The following XYLT1 variants were observed in gnomAD, a reference collection of about 807,000 sequenced individuals.
XYLT1 encodes the protein beta-D-xylosyltransferase 1.
A neutral mutation model predicts 91.3 loss-of-function variants in XYLT1; 36 were observed. The ratio of observed to expected loss-of-function variants is 0.39; its 90% CI spans 0.30 to 0.52. The LOEUF (loss-of-function observed/expected upper bound fraction) is 0.52. XYLT1 is among the 20% of genes least tolerant of loss of function. The pLI is 0.68. For synonymous variants in XYLT1, 588 were observed against 532.0 expected (o/e 1.11, Z -1.45); for missense variants, 1,242 against 1,284.5 (o/e 0.97, Z 0.51).
At chr16:17,459,972 A>G (rs531160857) in intron 1 of XYLT1, among the ~76,000 whole-genome samples, 1 of 152,332 alleles carries the variant, frequency 6.6e-6, no homozygotes, top group South Asian at 2.1e-4. Context: ...CTGCTTGAAG[A>G]CATGAGCCCC....
Position 17,154,461 on chromosome 16 carries a change from C to G in XYLT1, c.1370+4368G>C, listed in dbSNP as rs184269892. On this transcript the variant is annotated intron_variant, in intron 6 of 11. Transcript: ENST00000261381. ...CTGTCCCCACACACTGAGACTTGAACAGGTTTCAGAGATTTGAAAAACTTC... is the reference window on the plus strand; with the variant it reads ...CTGTCCCCACACACTGAGACTTGAAGAGGTTTCAGAGATTTGAAAAACTTC... Among the ~76,000 whole-genome samples the G allele has an allele frequency of 1.6e-3, 245 of 152,360 alleles. 2 individuals are homozygous for G. The highest frequency in any genetic ancestry group is 5.5e-3 in the African/African-American group (227 of 41,588).
intron 2 of XYLT1, among the ~76,000 whole-genome samples, chr16:17,269,275 C>T (rs1187483983): frequency 1.3e-5 from 2 of 152,138 alleles, no homozygotes; most frequent in Non-Finnish European, 2.9e-5. Flanking sequence ...GCCTCAACCT[C>T]CTGACCTCAA....
At chr16:17,138,561 A>C (rs759128464) in intron 7 of XYLT1, 30 bp from the exon 8 acceptor site, 2 of 1,601,872 alleles carry the variant, frequency 1.2e-6, no homozygotes, top group Non-Finnish European at 1.7e-6. Context: ...CCAGCCTGAG[A>C]CCTCTCCCAG....
intron 2 of XYLT1, among the ~76,000 whole-genome samples, chr16:17,292,737 G>A (rs1251903417): frequency 6.6e-6 from 1 of 152,234 alleles, no homozygotes; most frequent in Non-Finnish European, 1.5e-5. Flanking sequence ...GCACATTTGT[G>A]TTGACATCAT....
rs1195129617 is a variant in XYLT1 at position 17,141,165 on chromosome 16, C to A, written c.1575G>T (p.Leu525=). Residue 525 remains leucine, a synonymous_variant, in exon 7 of 12, where the codon CTG becomes CTT. Coordinates refer to ENST00000261381, the MANE Select transcript of XYLT1 (RefSeq NM_022166.4). ...CCCAGATACTCACCTCAGCAGGAAG[C>A]AGGGTGTAGGAGTAGAACTGTTTCA... ...TKMKQFYSYT[L]LPAESFFHTV... is the part of the protein sequence containing the mutation. The A allele has an allele frequency of 6.2e-7, 1 of 1,613,972 alleles. No homozygotes were observed. Among genetic ancestry groups the A allele is most frequent in the East Asian group, 2.2e-5 (1 of 44,880 alleles).
At chr16:17,120,489 C>T (rs1221440169) in intron 10 of XYLT1, among the ~76,000 whole-genome samples, 3 of 152,074 alleles carry the variant, frequency 2.0e-5, no homozygotes, top group African/African-American at 7.2e-5. Context: ...GGCCATGATC[C>T]GCCTGTTCTC....
intron 2 of XYLT1, among the ~76,000 whole-genome samples, chr16:17,317,012 C>T (rs1237652049): frequency 4.0e-5 from 6 of 151,014 alleles, no homozygotes; most frequent in African/African-American, 1.2e-4. Flanking sequence ...TTAGTAGAGA[C>T]GGAGTTTCAC....
At chr16:17,415,010 C>T (rs185294389) in intron 1 of XYLT1, among the ~76,000 whole-genome samples, 10 of 152,152 alleles carry the variant, frequency 6.6e-5, no homozygotes, top group South Asian at 4.1e-4. Flanking sequence ...CAGCACTTCC[C>T]GCGTGTCTGA....
chr16:17,306,087 G>A (rs1044313324), intron 2 of XYLT1, among the ~76,000 whole-genome samples: 2 of 152,112 alleles, frequency 1.3e-5, no homozygotes, highest in Non-Finnish European at 2.9e-5. Flanking sequence ...AGAGCCTCTG[G>A]GTGCCAAAGG....
intron 9 of XYLT1, among the ~76,000 whole-genome samples, chr16:17,129,462 A>G (rs567707381): frequency 6.6e-6 from 1 of 152,086 alleles, no homozygotes; most frequent in Non-Finnish European, 1.5e-5. Context: ...GGGTTTCACC[A>G]TGTTGGCCAG....
chr16:17,243,650 G>A (rs547699527), intron 3 of XYLT1, among the ~76,000 whole-genome samples: 5 of 152,268 alleles, frequency 3.3e-5, no homozygotes, highest in Middle Eastern at 3.4e-3. Flanking sequence ...CAAGCCGACC[G>A]ACTCAAGCTT....
Position 17,359,137 on chromosome 16 carries a change from G to A in XYLT1, c.364-1087C>T, listed in dbSNP as rs374542497. ...TGAAGGCTATTTCTGTCTATACCAC[G>A]TCTGCTCTGAACTTAATCATCTTGG... On this transcript the variant is annotated intron_variant, in intron 1 of 11. Coordinates refer to ENST00000261381, the MANE Select transcript of XYLT1 (RefSeq NM_022166.4). Among the ~76,000 whole-genome samples the A allele has an allele frequency of 9.2e-5, 14 of 152,278 alleles. No homozygotes were observed. The East Asian group carries it at 9.6e-4, about 10-fold the overall frequency.
chr16:17,242,397 A>G (rs191372755), intron 3 of XYLT1, among the ~76,000 whole-genome samples: 1 of 152,334 alleles, frequency 6.6e-6, no homozygotes, highest in Admixed American at 6.5e-5. Context: ...TCCCTATGTT[A>G]AAGTGTAAAT....
chr16:17,224,848 G>A (rs900266588), intron 3 of XYLT1, among the ~76,000 whole-genome samples: 4 of 152,216 alleles, frequency 2.6e-5, no homozygotes, highest in African/African-American at 9.6e-5. Flanking sequence ...TTTTCTATAA[G>A]AGGACAGACA....
intron 2 of XYLT1, among the ~76,000 whole-genome samples, chr16:17,316,310 G>C (rs187512689): frequency 1.1e-3 from 160 of 152,298 alleles, no homozygotes; most frequent in Middle Eastern, 6.8e-3. Context: ...AGTGGAGATG[G>C]GGAGAAAAAC....
rs114823830 is a variant in XYLT1 at position 17,378,928 on chromosome 16, C to G, written c.364-20878G>C. Among the ~76,000 whole-genome samples the G allele has an allele frequency of 9.6e-3, 1,456 of 152,236 alleles. 30 individuals are homozygous for G. Among genetic ancestry groups the G allele is most frequent in the African/African-American group, 0.032 (1,325 of 41,526 alleles). On this transcript the variant is annotated intron_variant, in intron 1 of 11. Transcript: ENST00000261381. ...ATATTTCAAGGAATTTAACTTTTAC[C>G]ACAAGGGATACAAAACAAGGAATGA...
rs114944196 is a variant in XYLT1, at chr16:17,255,722, T to C, written c.913+3266A>G. Reference sequence around the variant, plus strand: ...TAAATCTTTCTATTTAAAAGTATCGTGTAGGCCAGGCACTGTGGCTCATGC... The same window carrying C: ...TAAATCTTTCTATTTAAAAGTATCGCGTAGGCCAGGCACTGTGGCTCATGC... On this transcript the variant is annotated intron_variant, in intron 3 of 11. Coordinates refer to ENST00000261381, the MANE Select transcript of XYLT1 (RefSeq NM_022166.4). Among the ~76,000 whole-genome samples, 629 of 152,116 alleles carry C rather than the reference T, an allele frequency of 4.1e-3. 7 individuals are homozygous for C. Among genetic ancestry groups the C allele is most frequent in the African/African-American group, 0.015 (605 of 41,522 alleles).
chr16:17,108,515 G>T lies in XYLT1; in HGVS notation c.*180C>A. 1.7e-6 allele frequency: 1 copy of T among 596,108 alleles called. No homozygotes were observed. Among genetic ancestry groups the T allele is most frequent in the East Asian group, 2.9e-5 (1 of 34,010 alleles). 36.9% of individuals were successfully genotyped at this position (596,108 alleles called of 1,614,324 possible). On this transcript the variant is annotated 3_prime_UTR_variant, in exon 12 of 12. Transcript: ENST00000261381. ...CCATCCCACCCGCAGCTTGCCAAAG[G>T]CAGGTTGTTGGCTGATCCTGCTTTG...
At chr16:17,357,703 C>G (rs13332845) in intron 2 of XYLT1, among the ~76,000 whole-genome samples, 1 of 152,144 alleles carries the variant, frequency 6.6e-6, no homozygotes, top group Non-Finnish European at 1.5e-5. Flanking sequence ...TTGCATGAAC[C>G]TCCGCATGAT....
Sources: gnomAD v4.1 joint callset for allele counts (sites outside exome capture counted in the v4.1 genomes callset) on GRCh38, gnomAD v4.1.1 for gene constraint, MANE v1.5 for transcripts, NCBI Gene and HGNC (gene_info 2026-07-23, HGNC 2026-07-21) for gene names.